The following EIF1AY variants were observed in gnomAD, a reference collection of about 807,000 sequenced individuals.
EIF1AY encodes the protein eukaryotic translation initiation factor 1A Y-linked, also known as eukaryotic translation initiation factor 1A, Y-chromosomal.
For missense variants in EIF1AY, 19 were observed against 30.6 expected (o/e 0.62, Z 0.89); for synonymous variants, 16 against 9.9 (o/e 1.62, Z -1.16).
chrY:20,582,299 C>G, intron 2 of EIF1AY, among the ~76,000 whole-genome samples: 1 of 32,704 alleles, frequency 3.1e-5, no homozygotes, highest in African/African-American at 1.2e-4. Flanking sequence ...CAACCTCTGC[C>G]TCCCGAGTTC....
chrY:20,586,885 T>G, intron 4 of EIF1AY: 1 of 34,177 alleles, frequency 2.9e-5, no homozygotes, highest in African/African-American at 1.1e-4. Flanking sequence ...ATGTCCATTA[T>G]ATTATTCGAA....
intron 1 of EIF1AY, among the ~76,000 whole-genome samples, chrY:20,577,354 G>T: frequency 3.0e-5 from 1 of 33,201 alleles, no homozygotes; most frequent in East Asian, 8.2e-4. Context: ...AAGGAAACGA[G>T]ATAAAATATT....
chrY:20,584,348 G>A (rs994286189), intron 3 of EIF1AY, 126 bp from the exon 4 acceptor site: 3 of 103,139 alleles, frequency 2.9e-5, no homozygotes, highest in Admixed American at 1.7e-4. Flanking sequence ...CACCTCTCCC[G>A]GCATCTAATT....
At chrY:20,575,975 G>A in intron 1 of EIF1AY, 88 bp downstream of exon 1, 1 of 255,875 alleles carries the variant, frequency 3.9e-6, no homozygotes, top group Non-Finnish European at 6.2e-6. Context: ...CTGTTCTAAC[G>A]GCGGTACTGG....
chrY:20,592,324 G>A lies in EIF1AY; in HGVS notation c.430-17G>A. 2.7e-6 allele frequency: 1 copy of A among 366,199 alleles called. No individual in the cohort carries two copies. The allele number at this position is 366,199 out of a possible 400,897, so 91.3% of individuals were successfully genotyped here. A position where few individuals can be genotyped will look rare whatever the true frequency, so the allele number is the denominator to read the frequency against. ...AGAGTTATTTTTCTATGGATCTGAT[G>A]TTCTTTTCAATTACAGATCTAAATT... On this transcript the variant is annotated splice_polypyrimidine_tract_variant and intron_variant, in intron 6 of 6. Coordinates refer to ENST00000361365, the MANE Select transcript of EIF1AY (RefSeq NM_004681.4).
chrY:20,581,117 G>T (rs2089350311), intron 2 of EIF1AY, among the ~76,000 whole-genome samples: 1 of 33,839 alleles, frequency 3.0e-5, no homozygotes, highest in African/African-American at 1.1e-4. Context: ...TTAATTATAT[G>T]AAACATATTT....
Position 20,592,379 on chromosome Y carries a change from C to T in EIF1AY, c.*33C>T. 1 of 360,757 alleles carries T rather than the reference C, an allele frequency of 2.8e-6. No homozygotes were observed. Among genetic ancestry groups the T allele is most frequent in the Non-Finnish European group, 3.9e-6 (1 of 256,961 alleles). 90.0% of individuals were successfully genotyped at this position (360,757 alleles called of 400,897 possible). A position where few individuals can be genotyped will look rare whatever the true frequency, so the allele number is the denominator to read the frequency against. ...CAAGTGTTTTTACATGACAAGTTCT[C>T]TGAGGATGGTTCTACAGTTGGGATT... On this transcript the variant is annotated 3_prime_UTR_variant, in exon 7 of 7. Coordinates refer to ENST00000361365, the MANE Select transcript of EIF1AY (RefSeq NM_004681.4).
chrY:20,584,381 G>A (rs72625361), intron 3 of EIF1AY, 93 bp from the exon 4 acceptor site: 1 of 119,324 alleles, frequency 8.4e-6, no homozygotes, highest in East Asian at 1.5e-4. Flanking sequence ...CACACTTGGT[G>A]AATAGTATAC....
chrY:20,578,829 A>T (rs889856367), intron 1 of EIF1AY, among the ~76,000 whole-genome samples: 2 of 33,647 alleles, frequency 5.9e-5, no homozygotes, highest in African/African-American at 2.3e-4. Context: ...TAATGGGGAT[A>T]CAATGTTATG....
At chrY:20,576,034 A>C in intron 1 of EIF1AY, 147 bp downstream of exon 1, 1 of 157,052 alleles carries the variant, frequency 6.4e-6, no homozygotes, top group Non-Finnish European at 1.2e-5. Context: ...GGAATGCCCT[A>C]TTTGGTCACA....
At chrY:20,578,087 A>G in intron 1 of EIF1AY, among the ~76,000 whole-genome samples, 1 of 33,158 alleles carries the variant, frequency 3.0e-5, no homozygotes, top group African/African-American at 1.2e-4. Flanking sequence ...TAATGTAGAA[A>G]TAAAACTTGC....
chrY:20,584,414 A>T, intron 3 of EIF1AY, 60 bp from the exon 4 acceptor site: 1 of 185,697 alleles, frequency 5.4e-6, no homozygotes. Context: ...AAGATTCACT[A>T]AACATTCTTT....
At position 20,591,784 on chromosome Y, in the gene EIF1AY, T is replaced by G. The variant is rs535942809; in HGVS notation, c.430-557T>G. 5.1e-4 allele frequency among the ~76,000 whole-genome samples: 17 copies of G among 33,449 alleles called. No homozygotes were observed. In the South Asian group the frequency reaches 0.011, roughly 22 times the overall value. The allele number at this position is 33,449 out of a possible 37,273, so 89.7% of individuals were successfully genotyped here. ...AAAGCTACAAACACAGATGTTAGAA[T>G]AAGGATCTAGACATGGCTAAGATTT... On this transcript the variant is annotated intron_variant, in intron 6 of 6. Coordinates refer to ENST00000361365, the MANE Select transcript of EIF1AY (RefSeq NM_004681.4).
At chrY:20,591,193 A>C (rs13447442) in intron 6 of EIF1AY, among the ~76,000 whole-genome samples, 303 of 33,038 alleles carry the variant, frequency 9.2e-3, no homozygotes, top group South Asian at 0.037. Flanking sequence ...AATCTGAGAC[A>C]GGTCTCAGTT....
chrY:20,585,778 T>C, intron 4 of EIF1AY, among the ~76,000 whole-genome samples: 1 of 32,600 alleles, frequency 3.1e-5, no homozygotes, highest in African/African-American at 1.2e-4. Context: ...ACTTCTGGGA[T>C]TCCTCAGGAA....
In EIF1AY at chrY:20,582,630, G is replaced by A. The variant is rs58802313; in HGVS notation, c.141G>A (p.Leu47=). 5.1e-6 allele frequency: 2 copies of A among 395,228 alleles called. No individual in the cohort carries two copies. Among genetic ancestry groups the A allele is most frequent in the African/African-American group, 6.5e-5 (1 of 15,500 alleles). Residue 47 remains leucine (L), a synonymous_variant, in exon 3 of 7, where the codon TTG becomes TTA. Transcript: ENST00000361365. ...TCAAAATGTTGGGAAATGGACGATT[G>A]GAAGCATTGTGTTTTGATGGTGTAA... The part of the protein sequence containing the change: ...QVIKMLGNGR[L]EALCFDGVKR...
At chrY:20,584,827 A>G (rs1603578960) in intron 4 of EIF1AY, among the ~76,000 whole-genome samples, 1 of 33,842 alleles carries the variant, frequency 3.0e-5, no homozygotes. Flanking sequence ...TTGGGCAAGT[A>G]CTGTAGACCA....
At chrY:20,578,489 G>A (rs2089348329) in intron 1 of EIF1AY, among the ~76,000 whole-genome samples, 1 of 33,701 alleles carries the variant, frequency 3.0e-5, no homozygotes, top group Non-Finnish European at 7.4e-5. Context: ...GTTCAGGCAC[G>A]ATTAATTGCT....
chrY:20,582,699 T>A lies in EIF1AY; in HGVS notation c.204+6T>A. 2.7e-6 allele frequency: 1 copy of A among 371,236 alleles called. No individual in the cohort carries two copies. Among genetic ancestry groups the A allele is most frequent in the East Asian group, 9.5e-5 (1 of 10,500 alleles). The allele number at this position is 371,236 out of a possible 400,897, so 92.6% of individuals were successfully genotyped here. On this transcript the variant is annotated splice_donor_region_variant and intron_variant, in intron 3 of 6. Coordinates refer to ENST00000361365, the MANE Select transcript of EIF1AY (RefSeq NM_004681.4). ...GAGGGAAATTGAGAAAAAAGGTAGGTGTGTAGGTTACTTTTCAATAAAAAT... is the reference window on the plus strand; with the variant it reads ...GAGGGAAATTGAGAAAAAAGGTAGGAGTGTAGGTTACTTTTCAATAAAAAT...
Sources: gnomAD v4.1 joint callset for allele counts (sites outside exome capture counted in the v4.1 genomes callset) on GRCh38, gnomAD v4.1.1 for gene constraint, MANE v1.5 for transcripts, NCBI Gene and HGNC (gene_info 2026-07-23, HGNC 2026-07-21) for gene names.